CCDC138: variants seen among roughly 807,000 people sequenced by gnomAD.
CCDC138 encodes coiled-coil domain-containing protein 138.
Under a neutral mutation model 82.3 loss-of-function variants are expected in CCDC138, and 66 were observed. The observed-to-expected ratio is 0.80, with a 90% CI of 0.66 to 0.98. The LOEUF (loss-of-function observed/expected upper bound fraction) is 0.98, where lower values mean the gene tolerates loss of function less well. Among genes scored for constraint, CCDC138 ranks in the 50% least tolerant of loss-of-function variants. The probability of loss-of-function intolerance (pLI) is 0.00; values close to 1 mark genes in which losing one functional copy is unlikely to be tolerated. For synonymous variants in CCDC138, 297 were observed against 265.4 expected (o/e 1.12, Z -1.16); for missense variants, 816 against 758.9 (o/e 1.08, Z -0.88).
At chr2:108,853,898 T>C (rs1274645158) in intron 12 of CCDC138, among the ~76,000 whole-genome samples, 1 of 119,762 alleles carries the variant, frequency 8.3e-6, no homozygotes, top group Non-Finnish European at 1.6e-5. Flanking sequence ...ATAGTATATA[T>C]ATTATATATT....
chr2:108,854,380 T>C (rs1171861977), intron 12 of CCDC138, among the ~76,000 whole-genome samples: 1 of 150,682 alleles, frequency 6.6e-6, no homozygotes, highest in Non-Finnish European at 1.5e-5. Flanking sequence ...TGTGTGGTAT[T>C]TGGAAGGTCT....
intron 7 of CCDC138, among the ~76,000 whole-genome samples, chr2:108,809,549 G>A (rs1236769084): frequency 6.6e-6 from 1 of 150,564 alleles, no homozygotes; most frequent in Non-Finnish European, 1.5e-5. Flanking sequence ...TCACTTCCTT[G>A]GTTAAATTTA....
At chr2:108,882,684 C>T (rs977845095) in exon 2 of CCDC138, 2 of 152,268 alleles carry the variant, frequency 1.3e-5, no homozygotes, top group African/African-American at 4.8e-5. Flanking sequence ...ATCCTCCATG[C>T]CCTTCTGATG....
chr2:108,816,266 C>T (rs920171692), intron 10 of CCDC138, among the ~76,000 whole-genome samples, 161 bp downstream of exon 10: 1 of 152,054 alleles, frequency 6.6e-6, no homozygotes, highest in South Asian at 2.1e-4. Context: ...GCCTGGGCAA[C>T]GTGGTGCAAC....
At chr2:108,877,498 C>T (rs890498382), downstream of CCDC138, among the ~76,000 whole-genome samples, 1 of 151,716 alleles carries the variant, frequency 6.6e-6, no homozygotes, top group South Asian at 2.1e-4. Context: ...AAAATAAAAA[C>T]GCAGAAGCCA....
chr2:108,864,173 A>C (rs938151447), intron 13 of CCDC138, among the ~76,000 whole-genome samples: 6 of 152,200 alleles, frequency 3.9e-5, no homozygotes, highest in South Asian at 2.1e-4. Context: ...TGAAAAAAAA[A>C]CAAAACATTG....
At chr2:108,865,634 C>G (rs1009875172) in intron 13 of CCDC138, among the ~76,000 whole-genome samples, 2 of 152,160 alleles carry the variant, frequency 1.3e-5, no homozygotes, top group Non-Finnish European at 2.9e-5. Flanking sequence ...TCTTAATAGT[C>G]CCTAGGCATC....
chr2:108,817,176 A>G (rs750639015), intron 10 of CCDC138, among the ~76,000 whole-genome samples: 1 of 152,240 alleles, frequency 6.6e-6, no homozygotes, highest in Non-Finnish European at 1.5e-5. Flanking sequence ...GGTCCTGGTA[A>G]TCACACAAAC....
At chr2:108,795,150 ATTTT>A (rs11458525) in intron 5 of CCDC138, among the ~76,000 whole-genome samples, 2 of 85,040 alleles carry the variant, frequency 2.4e-5, no homozygotes, top group South Asian at 4.4e-4. Context: ...TCTAAAGTGT[ATTTT>A]TTTTTTTTTT....
At chr2:108,805,051 GAAGT>G in intron 7 of CCDC138, 43 bp downstream of exon 7, 1 of 1,100,594 alleles carries the variant, frequency 9.1e-7, no homozygotes, top group Non-Finnish European at 1.2e-6. Flanking sequence ...GACATTCTAA[GAAGT>G]ATATTTTATA....
chr2:108,869,883 C>T (rs1450420163), intron 13 of CCDC138, among the ~76,000 whole-genome samples: 1 of 151,980 alleles, frequency 6.6e-6, no homozygotes, highest in Non-Finnish European at 1.5e-5. Context: ...CAAAAAAAAT[C>T]GTAGAACACG....
intron 9 of CCDC138, 133 bp from the exon 10 acceptor site, chr2:108,815,808 A>G: frequency 1.4e-6 from 1 of 721,344 alleles, no homozygotes; most frequent in Non-Finnish European, 2.2e-6. Context: ...TTGTTTGGAG[A>G]AGCTCTGTCC....
At chr2:108,870,280 T>G (rs1222777426) in intron 13 of CCDC138, among the ~76,000 whole-genome samples, 3 of 152,116 alleles carry the variant, frequency 2.0e-5, no homozygotes, top group African/African-American at 7.2e-5. Flanking sequence ...ATCAGTGAAC[T>G]TGAAGGCAAG....
chr2:108,843,104 A>G (rs1483855484), intron 11 of CCDC138, among the ~76,000 whole-genome samples: 2 of 151,562 alleles, frequency 1.3e-5, no homozygotes, highest in Non-Finnish European at 2.9e-5. Context: ...TCCCTCTTTC[A>G]TTATATCCTA....
chr2:108,812,493 A>G (rs1163037659), intron 7 of CCDC138, 138 bp from the exon 8 acceptor site: 5 of 640,828 alleles, frequency 7.8e-6, no homozygotes, highest in African/African-American at 1.8e-5. Flanking sequence ...GTTGTGATCT[A>G]AGTTAATCAT....
chr2:108,798,671 G>T (rs1316649640), intron 6 of CCDC138, 85 bp downstream of exon 6: 14 of 1,043,426 alleles, frequency 1.3e-5, no homozygotes, highest in Non-Finnish European at 1.7e-5. Context: ...TGTCACATTT[G>T]CTTATTTCTC....
At chr2:108,791,951 CTTA>C (rs1325959079) in intron 4 of CCDC138, 149 bp downstream of exon 4, 6 of 790,930 alleles carry the variant, frequency 7.6e-6, no homozygotes, top group African/African-American at 7.1e-5. Context: ...AGTTACTGTG[CTTA>C]TTATTAAACT....
chr2:108,826,064 T>C (rs886707685), intron 10 of CCDC138, among the ~76,000 whole-genome samples: 3 of 152,232 alleles, frequency 2.0e-5, no homozygotes, highest in African/African-American at 4.8e-5. Context: ...TATTGGTAAG[T>C]GTCTACTTAA....
Position 108,803,518 on chromosome 2 carries a change from A to G in CCDC138, c.736-1371A>G, listed in dbSNP as rs528433801. Among the ~76,000 whole-genome samples the G allele has an allele frequency of 1.9e-3, 287 of 152,286 alleles. 3 individuals are homozygous for G. Among genetic ancestry groups the G allele is most frequent in the African/African-American group, 6.6e-3 (276 of 41,574 alleles). ...AGCGCAGTGGCTATGCACAGACGTCATCATAGCTCACTGCACCCTCAAGTC... is the reference window on the plus strand; with the variant it reads ...AGCGCAGTGGCTATGCACAGACGTCGTCATAGCTCACTGCACCCTCAAGTC... On this transcript the variant is annotated intron_variant, in intron 6 of 14. Transcript: ENST00000295124.
Sources: allele counts gnomAD v4.1 joint callset (sites outside exome capture counted in the v4.1 genomes callset), GRCh38; gene constraint gnomAD v4.1.1; transcripts MANE v1.5; gene names NCBI Gene and HGNC (gene_info 2026-07-23, HGNC 2026-07-21).